LIPC: variants seen among roughly 807,000 people sequenced by gnomAD.
LIPC encodes lipase C, hepatic type, also known as hepatic triacylglycerol lipase.
Under a neutral mutation model 50.7 loss-of-function variants are expected in LIPC, and 44 were observed. That is an observed-to-expected ratio of 0.87 (90% confidence interval 0.68 to 1.11). LIPC has a LOEUF of 1.11. LIPC is among the 50% of genes most tolerant of loss of function. The pLI, the probability that LIPC is intolerant of heterozygous loss-of-function variation, is 0.00. For missense variants in LIPC, 697 were observed against 648.2 expected (o/e 1.08, Z -0.82); for synonymous variants, 271 against 256.4 (o/e 1.06, Z -0.54).
Position 58,541,932 on chromosome 15 carries a change from G to C in LIPC, c.421G>C (p.Gly141Arg), listed in dbSNP as rs547384437. The C allele has an allele frequency of 6.2e-7, 1 of 1,611,658 alleles. No homozygotes were observed. The highest frequency in any genetic ancestry group is 1.1e-5 in the South Asian group (1 of 90,858). The change falls in exon 3 of 9, where the codon GGC (glycine) becomes CGC (arginine). Residue 141 changes from glycine to arginine, a missense_variant. Gly to Arg is a moderately radical substitution (Grantham distance 125). Coordinates refer to ENST00000299022, the MANE Select transcript of LIPC (RefSeq NM_000236.3). ...TIAVRNTRLV[G>R]KEVAALLRWL... ...CGCCGTCCGCAACACCCGCCTTGTGGGCAAGGAGGTCGCGGCTCTTCTCCG... is the reference window on the plus strand; with the variant it reads ...CGCCGTCCGCAACACCCGCCTTGTGCGCAAGGAGGTCGCGGCTCTTCTCCG...
In LIPC at chr15:58,478,532, G is replaced by A. The variant is rs755767530; in HGVS notation, c.88+46412G>A. Among the ~76,000 whole-genome samples, 7 of 152,082 alleles carry A rather than the reference G, an allele frequency of 4.6e-5. No individual in the cohort carries two copies. In the East Asian group the frequency reaches 5.8e-4, roughly 13 times the overall value. On this transcript the variant is annotated intron_variant, in intron 1 of 8. Transcript: ENST00000299022. ...TAGGATTATAAGCATGAGCCACTGC[G>A]CCCAGCCAGCTCACTCTCAACTTAA...
intron 1 of LIPC, among the ~76,000 whole-genome samples, chr15:58,535,978 C>A (rs970960471): frequency 6.6e-6 from 1 of 152,168 alleles, no homozygotes; most frequent in South Asian, 2.1e-4. Flanking sequence ...GACACCTCAC[C>A]GCTCACTAAC....
At chr15:58,498,140 G>T (rs1301412270) in intron 1 of LIPC, among the ~76,000 whole-genome samples, 1 of 152,164 alleles carries the variant, frequency 6.6e-6, no homozygotes, top group African/African-American at 2.4e-5. Context: ...GGAAAGGGAA[G>T]ATTGGTGTTT....
chr15:58,440,972 C>T (rs553118845), intron 1 of LIPC, among the ~76,000 whole-genome samples: 1 of 152,254 alleles, frequency 6.6e-6, no homozygotes, highest in South Asian at 2.1e-4. Context: ...GAAGTTTTGT[C>T]CTCATCCTGG....
chr15:58,432,371 T>C, intron 1 of LIPC: 2 of 539,060 alleles, frequency 3.7e-6, no homozygotes, highest in South Asian at 4.2e-5. Context: ...GTCTCTTGCG[T>C]ATCTGATATG....
Position 58,445,491 on chromosome 15 carries a change from G to T in LIPC, c.88+13371G>T, listed in dbSNP as rs192828174. ...GAAGGGTCAAGCCCAAATTAGAAGG[G>T]TGGGATGATGGCTGGTGCCTGAGGA... On this transcript the variant is annotated intron_variant, in intron 1 of 8. Coordinates refer to ENST00000299022, the MANE Select transcript of LIPC (RefSeq NM_000236.3). 4.2e-3 allele frequency among the ~76,000 whole-genome samples: 645 copies of T among 152,352 alleles called. 1 individual carries two copies. Among genetic ancestry groups the T allele is most frequent in the Non-Finnish European group, 6.8e-3 (460 of 68,032 alleles).
intron 1 of LIPC, among the ~76,000 whole-genome samples, chr15:58,516,549 T>C (rs1319390970): frequency 6.6e-6 from 1 of 152,180 alleles, no homozygotes; most frequent in Non-Finnish European, 1.5e-5. Flanking sequence ...TTCAAATGGA[T>C]GGTTTCTGTT....
rs558913184 is a variant in LIPC at position 58,539,211 on chromosome 15, C to G, written c.273+694C>G. On this transcript the variant is annotated intron_variant, in intron 2 of 8. Transcript: ENST00000299022. ...GTCAAAAGCAAGGTTTTTACAAGAG[C>G]TTTATTGAGATATAATTTACAAAGC... Among the ~76,000 whole-genome samples, 16 of 152,250 alleles carry G rather than the reference C, an allele frequency of 1.1e-4. No homozygotes were observed. The South Asian group carries it at 3.3e-3, about 32-fold the overall frequency.
intron 1 of LIPC, among the ~76,000 whole-genome samples, chr15:58,455,558 T>G (rs114203990): frequency 6.6e-6 from 1 of 152,248 alleles, no homozygotes; most frequent in Non-Finnish European, 1.5e-5. Flanking sequence ...AAAGAATTCA[T>G]GTCATTGTTG....
intron 1 of LIPC, among the ~76,000 whole-genome samples, chr15:58,503,185 G>T (rs1436484553): frequency 2.1e-5 from 3 of 145,120 alleles, no homozygotes; most frequent in East Asian, 3.8e-4. Context: ...GGGGGAAACT[G>T]AGGTGCAGAA....
intron 1 of LIPC, among the ~76,000 whole-genome samples, chr15:58,479,900 G>C (rs1186113013): frequency 6.6e-6 from 1 of 152,094 alleles, no homozygotes. Context: ...AGTCATTTAG[G>C]CTCCGTGGGC....
chr15:58,532,260 C>A (rs933078523), intron 1 of LIPC, among the ~76,000 whole-genome samples: 2 of 152,158 alleles, frequency 1.3e-5, no homozygotes, highest in Non-Finnish European at 2.9e-5. Flanking sequence ...CCAGCAGTGA[C>A]TAAATTCCCA....
intron 1 of LIPC, among the ~76,000 whole-genome samples, chr15:58,452,891 C>T (rs1893963704): frequency 6.6e-6 from 1 of 152,220 alleles, no homozygotes; most frequent in East Asian, 1.9e-4. Flanking sequence ...CTCTGGTTCA[C>T]TGTGGTCCCA....
At chr15:58,549,408 C>T (rs1893667548) in intron 6 of LIPC, among the ~76,000 whole-genome samples, 1 of 152,184 alleles carries the variant, frequency 6.6e-6, no homozygotes, top group Non-Finnish European at 1.5e-5. Context: ...GTAAACAGGC[C>T]GTCACCACCA....
At chr15:58,518,356 TTAAG>T (rs1228886041) in intron 1 of LIPC, among the ~76,000 whole-genome samples, 8 of 152,180 alleles carry the variant, frequency 5.3e-5, no homozygotes, top group Non-Finnish European at 1.0e-4. Flanking sequence ...GCAGTGGTGA[TTAAG>T]TTAGTTCTGT....
Position 58,440,154 on chromosome 15 carries a change from T to A in LIPC, c.88+8034T>A, listed in dbSNP as rs1266427365. Among the ~76,000 whole-genome samples, 3 of 152,208 alleles carry A rather than the reference T, an allele frequency of 2.0e-5. No homozygotes were observed. In the East Asian group the frequency reaches 5.8e-4, roughly 29 times the overall value. ...GCTAAAAAGAAAGCAGTCCTTGAAA[T>A]GAACAAAAATTCCCAAGCTGAGCAT... On this transcript the variant is annotated intron_variant, in intron 1 of 8. Transcript: ENST00000299022.
chr15:58,543,336 A>G (rs1236305098), intron 4 of LIPC, among the ~76,000 whole-genome samples: 1 of 151,804 alleles, frequency 6.6e-6, no homozygotes, highest in Non-Finnish European at 1.5e-5. Context: ...CCCGGGAGGC[A>G]CAGGCAAGGC....
At chr15:58,521,506 T>A (rs778854410) in intron 1 of LIPC, 2 of 152,202 alleles carry the variant, frequency 1.3e-5, no homozygotes, top group African/African-American at 4.8e-5. Flanking sequence ...GCAGAAGGAA[T>A]TGCAGAAGCA....
At chr15:58,478,684 G>A (rs1891084133) in intron 1 of LIPC, among the ~76,000 whole-genome samples, 1 of 152,192 alleles carries the variant, frequency 6.6e-6, no homozygotes, top group Non-Finnish European at 1.5e-5. Flanking sequence ...TCAGAGCCAA[G>A]AGTTGAACTC....
Sources: allele counts gnomAD v4.1 joint callset (sites outside exome capture counted in the v4.1 genomes callset), GRCh38; gene constraint gnomAD v4.1.1; transcripts MANE v1.5; gene names NCBI Gene and HGNC (gene_info 2026-07-23, HGNC 2026-07-21).